The following NXN variants were observed in gnomAD, a reference collection of about 807,000 sequenced individuals.
The protein encoded by NXN is nucleoredoxin 1.
A neutral mutation model predicts 48.6 loss-of-function variants in NXN; 16 were observed. That is an observed-to-expected ratio of 0.33 (90% confidence interval 0.22 to 0.50). The LOEUF (loss-of-function observed/expected upper bound fraction) is 0.50. Among genes scored for constraint, NXN ranks in the 20% least tolerant of loss-of-function variants. The probability of loss-of-function intolerance (pLI) is 0.98; values close to 1 mark genes in which losing one functional copy is unlikely to be tolerated. For missense variants in NXN, 492 were observed against 605.5 expected (o/e 0.81, Z 1.97); for synonymous variants, 281 against 269.6 (o/e 1.04, Z -0.41).
chr17:927,389 G>A (rs1339419494), intron 1 of NXN, among the ~76,000 whole-genome samples: 2 of 151,964 alleles, frequency 1.3e-5, no homozygotes, highest in African/African-American at 4.8e-5. Flanking sequence ...CAGGCAGATC[G>A]CTTGAGCTCA....
At chr17:895,577 T>C (rs111583421) in intron 1 of NXN, among the ~76,000 whole-genome samples, 67,758 of 148,772 alleles carry the variant, frequency 0.46, 16,859 homozygotes, top group East Asian at 0.68. Flanking sequence ...CTTTGGGAGG[T>C]CGAGGTGGGC....
At chr17:964,922 A>G (rs1444205492) in intron 1 of NXN, among the ~76,000 whole-genome samples, 2 of 152,220 alleles carry the variant, frequency 1.3e-5, no homozygotes, top group African/African-American at 4.8e-5. Context: ...AATGGTATTA[A>G]GAAAAAGACT....
intron 1 of NXN, among the ~76,000 whole-genome samples, chr17:903,565 T>C (rs192266435): frequency 6.6e-6 from 1 of 152,160 alleles, no homozygotes; most frequent in Admixed American, 6.5e-5. Context: ...AAATTTTTTG[T>C]AAAGACGGTG....
intron 1 of NXN, among the ~76,000 whole-genome samples, chr17:862,041 G>A (rs1655688943): frequency 6.6e-6 from 1 of 152,056 alleles, no homozygotes; most frequent in South Asian, 2.1e-4. Context: ...ACGTTTCCCA[G>A]GCTGGTCTCG....
intron 1 of NXN, among the ~76,000 whole-genome samples, chr17:966,592 C>T (rs925791170): frequency 2.6e-5 from 4 of 152,126 alleles, no homozygotes; most frequent in East Asian, 1.9e-4. Context: ...GGGGATCCGT[C>T]GACTTCAGCC....
intron 1 of NXN, among the ~76,000 whole-genome samples, chr17:927,537 G>A (rs1231166591): frequency 2.2e-5 from 3 of 137,730 alleles, no homozygotes; most frequent in South Asian, 2.3e-4. Context: ...CCAAGATTAC[G>A]CCATTGCACT....
intron 1 of NXN, among the ~76,000 whole-genome samples, chr17:876,203 A>G (rs183170187): frequency 1.3e-4 from 19 of 151,748 alleles, no homozygotes; most frequent in African/African-American, 4.6e-4. Context: ...AAAAAAGAAA[A>G]GAAAGAAAAG....
Position 803,731 on chromosome 17 carries a change from T to C in NXN, c.1076A>G (p.Tyr359Cys). Residue 359 changes from tyrosine (Y) to cysteine (C), a missense_variant, in exon 7 of 8, where the codon TAC (tyrosine) becomes TGC (cysteine). By Grantham distance (194) the Tyr-to-Cys change is radical. Transcript: ENST00000336868. ...GGGTGCCTCCTCCTCTTTGGCTTTGTACTTGGCAATGATTTTCTCAGCTAT... is the reference window on the plus strand; with the variant it reads ...GGGTGCCTCCTCCTCTTTGGCTTTGCACTTGGCAATGATTTTCTCAGCTAT... The part of the protein sequence containing the change: ...QPIAEKIIAK[Y>C]KAKEEEAPLL... The C allele has an allele frequency of 6.2e-7, 1 of 1,614,242 alleles. No individual in the cohort carries two copies. The highest frequency in any genetic ancestry group is 8.5e-7 in the Non-Finnish European group (1 of 1,180,042).
At chr17:856,118 G>A (rs943063048) in intron 1 of NXN, among the ~76,000 whole-genome samples, 4 of 152,044 alleles carry the variant, frequency 2.6e-5, no homozygotes, top group African/African-American at 7.2e-5. Flanking sequence ...GCTTGAACCC[G>A]GGAGGTGGAG....
chr17:863,924 T>C lies in NXN; in HGVS notation c.361-37846A>G, dbSNP rs1441842658. The C allele has an allele frequency of 1.1e-5, 16 of 1,493,864 alleles. No homozygotes were observed. In the South Asian group the frequency reaches 1.9e-4, roughly 18 times the overall value. 92.5% of individuals were successfully genotyped at this position (1,493,864 alleles called of 1,614,324 possible). Reference sequence around the variant, plus strand: ...AGAGGTTTATGTCAGGCTCATACAGTGTGTTCCCCAGATCAGCAGCAGCAA... The same window carrying C: ...AGAGGTTTATGTCAGGCTCATACAGCGTGTTCCCCAGATCAGCAGCAGCAA... On this transcript the variant is annotated intron_variant, in intron 1 of 7. Coordinates refer to ENST00000336868, the MANE Select transcript of NXN (RefSeq NM_022463.5).
chr17:843,207 T>A (rs981906234), intron 1 of NXN, among the ~76,000 whole-genome samples: 3 of 152,222 alleles, frequency 2.0e-5, no homozygotes, highest in African/African-American at 7.2e-5. Flanking sequence ...CGCAAAGTAT[T>A]TAATGACGCC....
intron 1 of NXN, among the ~76,000 whole-genome samples, chr17:896,137 C>T (rs1316239514): frequency 1.3e-5 from 2 of 151,498 alleles, no homozygotes; most frequent in South Asian, 2.1e-4. Context: ...GTCGGGAGTT[C>T]GAGACCAGCC....
At chr17:957,919 A>G (rs1207119730) in intron 1 of NXN, among the ~76,000 whole-genome samples, 44 of 152,132 alleles carry the variant, frequency 2.9e-4, no homozygotes, top group Admixed American at 2.9e-3. Context: ...ATCGCCCAGA[A>G]TGTATGTTCC....
intron 1 of NXN, among the ~76,000 whole-genome samples, chr17:971,908 T>C (rs1314915141): frequency 6.6e-6 from 1 of 152,104 alleles, no homozygotes; most frequent in African/African-American, 2.4e-5. Context: ...CAGCTCACGC[T>C]GTGATCCCAG....
At chr17:912,449 A>G (rs1355424183) in intron 1 of NXN, among the ~76,000 whole-genome samples, 1 of 151,938 alleles carries the variant, frequency 6.6e-6, no homozygotes, top group African/African-American at 2.4e-5. Flanking sequence ...CGCTCCCCCA[A>G]CCACGCGGGA....
chr17:854,199 T>C (rs965235448), intron 1 of NXN, among the ~76,000 whole-genome samples: 37 of 152,148 alleles, frequency 2.4e-4, no homozygotes, highest in African/African-American at 8.7e-4. Context: ...AATAGCTGCT[T>C]CTAATTCCCG....
chr17:893,672 C>T (rs1402681557), intron 1 of NXN, among the ~76,000 whole-genome samples: 1 of 35,506 alleles, frequency 2.8e-5, no homozygotes, highest in East Asian at 4.8e-4. Flanking sequence ...GAGGAAGCAT[C>T]TCAACTCCCT....
intron 1 of NXN, among the ~76,000 whole-genome samples, chr17:850,630 G>T (rs1256046875): frequency 6.6e-6 from 1 of 152,160 alleles, no homozygotes; most frequent in Non-Finnish European, 1.5e-5. Flanking sequence ...GCTCTCTCCA[G>T]GGGGGCGGCG....
chr17:835,706 G>A (rs1913775580), intron 1 of NXN, among the ~76,000 whole-genome samples: 1 of 110,112 alleles, frequency 9.1e-6, no homozygotes, highest in African/African-American at 3.8e-5. Context: ...GGATTCGTCA[G>A]CCTCATAGAG....
Sources: allele counts gnomAD v4.1 joint callset (sites outside exome capture counted in the v4.1 genomes callset), GRCh38; gene constraint gnomAD v4.1.1; transcripts MANE v1.5; gene names NCBI Gene and HGNC (gene_info 2026-07-23, HGNC 2026-07-21).